The following TOB2 variants were observed in gnomAD, a reference collection of about 807,000 sequenced individuals.
TOB2 encodes the protein protein Tob2.
In TOB2, 3 loss-of-function variants were observed where a neutral mutation model predicts 17.3. The ratio of observed to expected loss-of-function variants is 0.17; its 90% confidence interval spans 0.08 to 0.45. TOB2 has a LOEUF of 0.45. Among genes scored for constraint, TOB2 ranks in the 20% least tolerant of loss-of-function variants. The pLI, the probability that TOB2 is intolerant of heterozygous loss-of-function variation, is 0.99. For missense variants in TOB2, 407 were observed against 445.7 expected (o/e 0.91, Z 0.78); for synonymous variants, 163 against 185.6 (o/e 0.88, Z 0.99).
chr22:41,444,692 A>G (rs1343110981), intron 1 of TOB2, among the ~76,000 whole-genome samples: 1 of 152,192 alleles, frequency 6.6e-6, no homozygotes, highest in Non-Finnish European at 1.5e-5. Context: ...AATACATTTC[A>G]TGTAGATTCT....
Position 41,438,630 on chromosome 22 carries a change from C to CAAAAAAAAAAAAAAAAAAAAAAAAAA in TOB2, c.-62-1249_-62-1224dup, listed in dbSNP as rs749494672. Among the ~76,000 whole-genome samples the CAAAAAAAAAAAAAAAAAAAAAAAAAA allele has an allele frequency of 3.2e-4, 4 of 12,692 alleles. 1 individual carries two copies. The highest frequency in any genetic ancestry group is 5.6e-4 in the Non-Finnish European group (3 of 5,394). 8.3% of individuals were successfully genotyped at this position (12,692 alleles called of 152,430 possible). A position where few individuals can be genotyped will look rare whatever the true frequency, so the allele number is the denominator to read the frequency against. On this transcript the variant is annotated intron_variant, in intron 1 of 1. Transcript: ENST00000327492. The stretch of plus-strand genomic sequence containing the variant: ...GGGCAACAAGAGCGAAACTCTGTCT[C>CAAAAAAAAAAAAAAAAAAAAAAAAAA]AAAAAAAAAAAAAAAAAAAAAAAAA...
chr22:41,441,581 C>A (rs2037621365), intron 1 of TOB2, among the ~76,000 whole-genome samples: 1 of 152,010 alleles, frequency 6.6e-6, no homozygotes, highest in Non-Finnish European at 1.5e-5. Flanking sequence ...GAATTCAAGA[C>A]CAGCCTGGCC....
In TOB2 at chr22:41,434,208, G is replaced by A. The variant is rs9611591; in HGVS notation, c.*2103C>T. The A allele has an allele frequency of 0.61, 95,192 of 156,356 alleles. 32,692 individuals are homozygous for A. Among genetic ancestry groups the A allele is most frequent in the Non-Finnish European group, 0.8 (56,615 of 70,998 alleles). The allele number at this position is 156,356 out of a possible 1,614,324, so 9.7% of individuals were successfully genotyped here. On this transcript the variant is annotated 3_prime_UTR_variant, in exon 2 of 2. Transcript: ENST00000327492. ...GATTTGAGACAAGACAGACTGAACT[G>A]GGCCCAAGAGCGCAGCACTGGAGTC...
In TOB2 at chr22:41,436,335, G is replaced by T; in HGVS notation, c.1011C>A (p.Phe337Leu). Residue 337 changes from phenylalanine to leucine, a missense_variant, in exon 2 of 2, where the codon TTC (phenylalanine) becomes TTA (leucine). Transcript: ENST00000327492. This position sits in a 1 kb window ranked among gnomAD's most constrained non-coding sequence, Gnocchi z 4.8. The stretch of plus-strand genomic sequence containing the variant: ...GTCAGTTGGCCAGCACCACGGGCTG[G>T]AACTGCTGGCTGGGATACTGCATGG... ...LNTMQYPSQQ[F>L]QPVVLAN 1 of 1,590,926 alleles carries T rather than the reference G, an allele frequency of 6.3e-7. No individual in the cohort carries two copies. Among genetic ancestry groups the T allele is most frequent in the South Asian group, 1.1e-5 (1 of 87,018 alleles).
rs1464936363 is a variant in TOB2 at position 41,436,350 on chromosome 22, A to G, written c.996T>C (p.Tyr332=). ...CCACGGGCTGGAACTGCTGGCTGGGATACTGCATGGTGTTCAGGTTGTAGC... is the reference window on the plus strand; with the variant it reads ...CCACGGGCTGGAACTGCTGGCTGGGGTACTGCATGGTGTTCAGGTTGTAGC... ...GLSYNLNTMQ[Y]PSQQFQPVVL... Residue 332 remains tyrosine (Y), a synonymous_variant, in exon 2 of 2, where the codon TAT becomes TAC. Transcript: ENST00000327492. This position sits in a 1 kb window ranked among gnomAD's most constrained non-coding sequence, Gnocchi z 4.8. The G allele has an allele frequency of 1.2e-6, 2 of 1,602,936 alleles. No individual in the cohort carries two copies. The highest frequency in any genetic ancestry group is 2.7e-5 in the African/African-American group (2 of 74,718).
chr22:41,440,005 C>G (rs1266216741), intron 1 of TOB2, among the ~76,000 whole-genome samples: 1 of 152,196 alleles, frequency 6.6e-6, no homozygotes, highest in African/African-American at 2.4e-5. Flanking sequence ...CTCTCCCAAA[C>G]CCTCCACAAG....
At chr22:41,437,548 G>A in intron 1 of TOB2, 141 bp from the exon 2 acceptor site, 1 of 1,003,908 alleles carries the variant, frequency 1.0e-6, no homozygotes, top group Non-Finnish European at 1.4e-6. Context: ...ATGTCTGACT[G>A]TGGGCCCCAG....
chr22:41,441,306 C>T (rs1198879185), intron 1 of TOB2, among the ~76,000 whole-genome samples: 1 of 104,698 alleles, frequency 9.6e-6, no homozygotes, highest in African/African-American at 4.6e-5. Context: ...CAGAGCAAGA[C>T]TCTACCTCAA....
intron 1 of TOB2, among the ~76,000 whole-genome samples, chr22:41,445,040 C>G (rs978199003): frequency 3.1e-4 from 47 of 152,240 alleles, no homozygotes; most frequent in Non-Finnish European, 1.8e-4. Context: ...GGAATCAAAC[C>G]CAGTTCTCCC....
Position 41,436,069 on chromosome 22 carries a change from AT to A in TOB2, c.*241del. 1 of 421,772 alleles carries A rather than the reference AT, an allele frequency of 2.4e-6. No individual in the cohort carries two copies. Among genetic ancestry groups the A allele is most frequent in the Non-Finnish European group, 4.1e-6 (1 of 242,502 alleles). The allele number at this position is 421,772 out of a possible 1,614,324, so 26.1% of individuals were successfully genotyped here. ...AGAAAAAAAAAAAAGAAAAAGAAAT[AT>A]AAAACCCAAACCAACCAAATAAATC... On this transcript the variant is annotated 3_prime_UTR_variant, in exon 2 of 2. Coordinates refer to ENST00000327492, the MANE Select transcript of TOB2 (RefSeq NM_016272.4). The surrounding 1 kb of genome is among the most constrained non-coding windows in gnomAD (Gnocchi z 4.8).
chr22:41,437,325 C>A lies in TOB2; in HGVS notation c.21G>T (p.Val7=), dbSNP rs1431573586. The change falls in exon 2 of 2, where the codon GTG becomes GTT. Residue 7 remains valine, a synonymous_variant. Transcript: ENST00000327492. The part of the protein sequence containing the change: MQLEIK[V]ALNFIISYLY... ...AGTAGGAGATGATGAAGTTCAGGGCCACTTTGATCTCTAGCTGCATGGTCC... is the reference window on the plus strand; with the variant it reads ...AGTAGGAGATGATGAAGTTCAGGGCAACTTTGATCTCTAGCTGCATGGTCC... 6.2e-7 allele frequency: 1 copy of A among 1,613,382 alleles called. No individual in the cohort carries two copies. The highest frequency in any genetic ancestry group is 1.7e-5 in the Admixed American group (1 of 59,972).
chr22:41,436,834 G>A lies in TOB2; in HGVS notation c.512C>T (p.Ala171Val). ...SPSPTFIPRS[A>V]QPITFTTASF... ...GGCGGTGGTGAAGGTGATGGGCTGA[G>A]CGGAGCGGGGAATGAAGGTAGGGCT... is the stretch of plus-strand genomic sequence containing the variant. Residue 171 changes from alanine (A) to valine (V), a missense_variant, in exon 2 of 2, where the codon GCT (alanine) becomes GTT (valine). By Grantham distance (64) the Ala-to-Val change is moderately conservative. Transcript: ENST00000327492. The surrounding 1 kb of genome is among the most constrained non-coding windows in gnomAD (Gnocchi z 4.8). The A allele has an allele frequency of 1.9e-6, 3 of 1,614,086 alleles. No homozygotes were observed. The highest frequency in any genetic ancestry group is 2.5e-6 in the Non-Finnish European group (3 of 1,179,968).
At chr22:41,438,283 G>T (rs1467203326) in intron 1 of TOB2, among the ~76,000 whole-genome samples, 1 of 152,118 alleles carries the variant, frequency 6.6e-6, no homozygotes, top group African/African-American at 2.4e-5. Context: ...CTGTCATCAT[G>T]GGCCCCATGG....
chr22:41,438,630 CAAAA>C (rs749494672), intron 1 of TOB2, among the ~76,000 whole-genome samples: 182 of 12,668 alleles, frequency 0.014, no homozygotes, highest in African/African-American at 0.027. Flanking sequence ...AACTCTGTCT[CAAAA>C]AAAAAAAAAA....
chr22:41,437,095 G>A lies in TOB2; in HGVS notation c.251C>T (p.Ala84Val). ...RSGLAVEDVRANVPEELSVWI... is the reference protein window; with the variant it reads ...RSGLAVEDVRVNVPEELSVWI... ...GACACTCAGCTCCTCAGGCACATTGGCCCGCACATCTTCCACCGCCAGGCC... is the reference window on the plus strand; with the variant it reads ...GACACTCAGCTCCTCAGGCACATTGACCCGCACATCTTCCACCGCCAGGCC... Residue 84 changes from alanine to valine, a missense_variant, in exon 2 of 2, where the codon GCC becomes GTC. Physicochemically the swap from Ala to Val is moderately conservative, Grantham distance 64 (BLOSUM62 0). Transcript: ENST00000327492. The A allele has an allele frequency of 6.2e-7, 1 of 1,614,068 alleles. No individual in the cohort carries two copies. The highest frequency in any genetic ancestry group is 8.5e-7 in the Non-Finnish European group (1 of 1,180,014).
At chr22:41,441,768 G>A (rs543995558) in intron 1 of TOB2, among the ~76,000 whole-genome samples, 4 of 151,606 alleles carry the variant, frequency 2.6e-5, no homozygotes, top group South Asian at 2.1e-4. Context: ...AAAATTAGCC[G>A]GGTGTGGTGG....
chr22:41,439,366 C>T (rs1346313084), intron 1 of TOB2, among the ~76,000 whole-genome samples: 1 of 152,214 alleles, frequency 6.6e-6, no homozygotes, highest in Non-Finnish European at 1.5e-5. Flanking sequence ...TATCCAGGTG[C>T]TAATTTCAGG....
At chr22:41,444,167 G>A (rs1452430315) in intron 1 of TOB2, among the ~76,000 whole-genome samples, 2 of 152,190 alleles carry the variant, frequency 1.3e-5, no homozygotes, top group African/African-American at 4.8e-5. Context: ...AACGCAGGCA[G>A]CTCCTCTCCT....
rs777304139 is a variant in TOB2 at position 41,436,843 on chromosome 22, G to T, written c.503C>A (p.Pro168His). The T allele has an allele frequency of 2.5e-6, 4 of 1,614,160 alleles. No individual in the cohort carries two copies. Among genetic ancestry groups the T allele is most frequent in the Non-Finnish European group, 3.4e-6 (4 of 1,180,018 alleles). The change falls in exon 2 of 2, where the codon CCC becomes CAC. Residue 168 changes from proline to histidine, a missense_variant. Pro to His is a moderately conservative substitution (Grantham distance 77, BLOSUM62 -2). Coordinates refer to ENST00000327492, the MANE Select transcript of TOB2 (RefSeq NM_016272.4). The surrounding 1 kb of genome is among the most constrained non-coding windows in gnomAD (Gnocchi z 4.8). ...FGQSPSPTFI[P>H]RSAQPITFTT... Reference sequence around the variant, plus strand: ...GAAGGTGATGGGCTGAGCGGAGCGGGGAATGAAGGTAGGGCTGGGTGACTG... The same window carrying T: ...GAAGGTGATGGGCTGAGCGGAGCGGTGAATGAAGGTAGGGCTGGGTGACTG...
Sources: allele counts gnomAD v4.1 joint callset (sites outside exome capture counted in the v4.1 genomes callset), GRCh38; gene constraint gnomAD v4.1.1; non-coding constraint Gnocchi (gnomAD v3.1); transcripts MANE v1.5; gene names NCBI Gene and HGNC (gene_info 2026-07-23, HGNC 2026-07-21).